UGT2B7: variants seen among roughly 807,000 people sequenced by gnomAD.
The protein encoded by UGT2B7 is UDP-glucuronosyltransferase 2B7.
Under a neutral mutation model 51.9 loss-of-function variants are expected in UGT2B7, and 51 were observed. The observed-to-expected ratio is 0.98, with a 90% CI of 0.78 to 1.24. The LOEUF is 1.24. Among genes scored for constraint, UGT2B7 ranks in the 50% most tolerant of loss-of-function variants. The probability of loss-of-function intolerance (pLI) is 0.00; values close to 1 mark genes in which losing one functional copy is unlikely to be tolerated. For synonymous variants in UGT2B7, 225 were observed against 211.6 expected, an observed-to-expected ratio of 1.06 and a Z score of -0.55; for missense variants, 727 against 628.4, an observed-to-expected ratio of 1.16 and a Z score of -1.68.
rs1468548131 is a variant in UGT2B7 at position 69,098,649 on chromosome 4, T to C, written c.831T>C (p.Val277=). The C allele has an allele frequency of 6.2e-7, 1 of 1,612,632 alleles. No homozygotes were observed. The highest frequency in any genetic ancestry group is 1.1e-5 in the South Asian group (1 of 90,946). The change falls in exon 2 of 6, where the codon GTT becomes GTC. Residue 277 remains valine, a synonymous_variant. Transcript: ENST00000305231. ...PYPLLPNVDF[V]GGLHCKPAKP... ...CACTCTTACCAAATGTTGATTTTGT[T>C]GGAGGACTCCACTGCAAACCTGCCA...
chr4:69,080,123 T>C (rs1718803043), intron 1 of UGT2B7, among the ~76,000 whole-genome samples: 2 of 152,102 alleles, frequency 1.3e-5, no homozygotes, highest in African/African-American at 4.8e-5. Context: ...TAATCCTTCC[T>C]CTCAAATAGG....
In UGT2B7 at chr4:69,064,998, T is replaced by C. The variant is rs114103357; in HGVS notation, c.-159+13396T>C. 3.7e-3 allele frequency among the ~76,000 whole-genome samples: 564 copies of C among 152,286 alleles called. 3 individuals carry two copies. The highest frequency in any genetic ancestry group is 0.013 in the African/African-American group (536 of 41,560). On this transcript the variant is annotated intron_variant, in intron 1 of 5. Coordinates refer to the UGT2B7 transcript ENST00000502942. ...CAAATTCTGCCCTGCCATTCAATTC[T>C]ATTATTTACAGGATTCCTAAGTGCA...
intron 2 of UGT2B7, among the ~76,000 whole-genome samples, chr4:69,099,820 C>A (rs1179575902): frequency 2.0e-5 from 3 of 151,916 alleles, no homozygotes; most frequent in African/African-American, 7.2e-5. Flanking sequence ...TTAATAGAAC[C>A]AGATTGTTCA....
chr4:69,112,266 AC>A (rs754108229), intron 5 of UGT2B7, among the ~76,000 whole-genome samples, 190 bp from the exon 6 acceptor site: 10 of 152,080 alleles, frequency 6.6e-5, no homozygotes, highest in Non-Finnish European at 1.3e-4. Flanking sequence ...TGACCCTCTC[AC>A]GCAGACCCCC....
chr4:69,099,289 AAG>A (rs1719352491), intron 2 of UGT2B7, among the ~76,000 whole-genome samples: 1 of 148,532 alleles, frequency 6.7e-6, no homozygotes, highest in African/African-American at 2.5e-5. Flanking sequence ...GAAGCAGGTA[AAG>A]TGGTCAGGAC....
At chr4:69,055,660 G>T (rs908882073) in intron 1 of UGT2B7, among the ~76,000 whole-genome samples, 21 of 152,112 alleles carry the variant, frequency 1.4e-4, no homozygotes, top group African/African-American at 5.1e-4. Flanking sequence ...GTCACTTCAC[G>T]TTATGTTTGT....
At position 69,066,936 on chromosome 4, in the gene UGT2B7, A is replaced by G. The variant is rs1203712426; in HGVS notation, c.-159+15334A>G. On this transcript the variant is annotated intron_variant, in intron 1 of 5. Coordinates refer to the UGT2B7 transcript ENST00000502942. The stretch of plus-strand genomic sequence containing the variant: ...TCATGGAGTGTTGGTAACACATTTC[A>G]TGATGGAGTGTGGCCTGTCCTTCCT... Among the ~76,000 whole-genome samples the G allele has an allele frequency of 1.3e-5, 2 of 152,198 alleles. 1 individual carries two copies. The highest frequency in any genetic ancestry group is 4.1e-4 in the South Asian group (2 of 4,822).
intron 1 of UGT2B7, among the ~76,000 whole-genome samples, chr4:69,077,650 G>C (rs1349400049): frequency 6.6e-6 from 1 of 152,060 alleles, no homozygotes; most frequent in African/African-American, 2.4e-5. Context: ...AGACTTTGCA[G>C]AAGTTGCTTA....
chr4:69,109,074 G>T (rs1290486863), intron 5 of UGT2B7, among the ~76,000 whole-genome samples: 2 of 151,042 alleles, frequency 1.3e-5, no homozygotes, highest in Non-Finnish European at 1.5e-5. Flanking sequence ...CATTCATGTT[G>T]TTGTGTGTTT....
intron 1 of UGT2B7, among the ~76,000 whole-genome samples, chr4:69,081,514 G>C (rs1198264476): frequency 6.6e-6 from 1 of 152,082 alleles, no homozygotes; most frequent in Non-Finnish European, 1.5e-5. Context: ...ATAGAAACCT[G>C]TATACATCAC....
chr4:69,107,468 A>G (rs1252021271), intron 4 of UGT2B7, among the ~76,000 whole-genome samples: 2 of 152,140 alleles, frequency 1.3e-5, no homozygotes, highest in Non-Finnish European at 2.9e-5. Context: ...TATAGTCTGA[A>G]TCGGGGGAAT....
chr4:69,094,614 G>A (rs1719169914), upstream of UGT2B7, among the ~76,000 whole-genome samples: 1 of 152,308 alleles, frequency 6.6e-6, no homozygotes, highest in East Asian at 1.9e-4. Context: ...TGTTGATGAA[G>A]ATTCTCATAT....
intron 1 of UGT2B7, among the ~76,000 whole-genome samples, chr4:69,072,842 C>G (rs1257166625): frequency 6.6e-6 from 1 of 152,114 alleles, no homozygotes; most frequent in Non-Finnish European, 1.5e-5. Flanking sequence ...AAATTGAAAA[C>G]TTGTAAAGCA....
At chr4:69,054,075 G>T (rs561746696) in intron 1 of UGT2B7, among the ~76,000 whole-genome samples, 1 of 151,976 alleles carries the variant, frequency 6.6e-6, no homozygotes, top group African/African-American at 2.4e-5. Flanking sequence ...TTTGGTAGAT[G>T]ACAGTGAATA....
chr4:69,085,833 T>C (rs947209637), intron 1 of UGT2B7, among the ~76,000 whole-genome samples: 2 of 151,922 alleles, frequency 1.3e-5, no homozygotes, highest in Non-Finnish European at 2.9e-5. Context: ...TTTATAATAA[T>C]ATCTTATAAT....
intron 5 of UGT2B7, among the ~76,000 whole-genome samples, chr4:69,112,105 G>C (rs891309363): frequency 6.6e-6 from 1 of 152,184 alleles, no homozygotes; most frequent in Non-Finnish European, 1.5e-5. Flanking sequence ...GATAGTTAAA[G>C]ATCGACCCCT....
rs913006628 is a variant in UGT2B7, at chr4:69,091,028, C to T, written c.-27+1425C>T. On this transcript the variant is annotated intron_variant, in intron 2 of 5. Transcript: ENST00000502942. The stretch of plus-strand genomic sequence containing the variant: ...TGGGATGCTCTTCATATATCCATGA[C>T]CTTTACTCATTCTGTTCTTTATTGG... 1.8e-4 allele frequency among the ~76,000 whole-genome samples: 28 copies of T among 152,140 alleles called. 1 individual carries two copies. The highest frequency in any genetic ancestry group is 6.8e-4 in the African/African-American group (28 of 41,446).
rs1023083050 is a variant in UGT2B7 at position 69,068,565 on chromosome 4, G to T, written c.-159+16963G>T. Among the ~76,000 whole-genome samples, 5 of 151,804 alleles carry T rather than the reference G, an allele frequency of 3.3e-5. 1 individual carries two copies. Among genetic ancestry groups the T allele is most frequent in the Admixed American group, 1.3e-4 (2 of 15,198 alleles). On this transcript the variant is annotated intron_variant, in intron 1 of 5. Coordinates refer to the UGT2B7 transcript ENST00000502942. Reference sequence around the variant, plus strand: ...ATAATTTTTAATAAGCATAATGCTGGTATTGAAAAATGAAGATAACTTTTA... The same window carrying T: ...ATAATTTTTAATAAGCATAATGCTGTTATTGAAAAATGAAGATAACTTTTA...
At chr4:69,075,737 A>G (rs1296417690) in intron 1 of UGT2B7, among the ~76,000 whole-genome samples, 1 of 152,132 alleles carries the variant, frequency 6.6e-6, no homozygotes, top group Non-Finnish European at 1.5e-5. Flanking sequence ...AATTGAGGGT[A>G]GTTTGTTATA....
Sources: allele counts gnomAD v4.1 joint callset (sites outside exome capture counted in the v4.1 genomes callset), GRCh38; gene constraint gnomAD v4.1.1; transcripts MANE v1.5; gene names NCBI Gene and HGNC (gene_info 2026-07-23, HGNC 2026-07-21).